CACNA1B: variants seen among roughly 807,000 people sequenced by gnomAD.
CACNA1B encodes the protein calcium voltage-gated channel subunit alpha1 B.
A neutral mutation model predicts 247.2 loss-of-function variants in CACNA1B; 70 were observed. The observed-to-expected ratio is 0.28, with a 90% confidence interval of 0.23 to 0.35. The LOEUF (loss-of-function observed/expected upper bound fraction) is 0.35, where lower values mean the gene tolerates loss of function less well. CACNA1B is among the 10% of genes least tolerant of loss of function. CACNA1B has a pLI of 1.00. For synonymous variants in CACNA1B, 1,231 were observed against 1,294.4 expected (o/e 0.95, Z 1.05); for missense variants, 2,367 against 3,197.4 (o/e 0.74, Z 6.26).
intron 10 of CACNA1B, among the ~76,000 whole-genome samples, chr9:137,970,355 C>A (rs1307009751): frequency 2.6e-5 from 4 of 152,176 alleles, no homozygotes; most frequent in Non-Finnish European, 4.4e-5. Context: ...GATGTGCTCT[C>A]CTGCAGAGAC....
chr9:138,120,532 C>T (rs1340953276), intron 45 of CACNA1B, 99 bp from the exon 46 acceptor site: 16 of 1,403,642 alleles, frequency 1.1e-5, no homozygotes, highest in Non-Finnish European at 1.5e-5. Context: ...CTCACCCTAG[C>T]CTCCCCTGGC....
intron 15 of CACNA1B, among the ~76,000 whole-genome samples, chr9:137,997,828 A>G (rs1023941962): frequency 2.4e-4 from 36 of 152,238 alleles, no homozygotes; most frequent in Admixed American, 2.3e-3. Context: ...ACAAGGAAAC[A>G]TGTAAAGCCA....
intron 46 of CACNA1B, 37 bp downstream of exon 46, chr9:138,120,918 C>T: frequency 6.5e-7 from 1 of 1,535,710 alleles, no homozygotes; most frequent in Non-Finnish European, 8.7e-7. Context: ...GGCCCAGCTG[C>T]CTCTCCTCGG....
At chr9:137,923,554 T>C (rs1957515929) in intron 6 of CACNA1B, among the ~76,000 whole-genome samples, 1 of 152,256 alleles carries the variant, frequency 6.6e-6, no homozygotes, top group African/African-American at 2.4e-5. Flanking sequence ...GGCTGTACCA[T>C]GGCTTGTTTA....
intron 3 of CACNA1B, among the ~76,000 whole-genome samples, chr9:137,903,139 T>G (rs1294924530): frequency 6.6e-6 from 1 of 152,154 alleles, no homozygotes; most frequent in Non-Finnish European, 1.5e-5. Flanking sequence ...ATTCCAGCAC[T>G]TTGGGAGGCT....
At chr9:137,886,772 G>A (rs562907852) in intron 3 of CACNA1B, among the ~76,000 whole-genome samples, 8 of 152,120 alleles carry the variant, frequency 5.3e-5, no homozygotes, top group Non-Finnish European at 8.8e-5. Context: ...GAGAGCAGTC[G>A]GCAGGTGGAC....
Position 138,115,548 on chromosome 9 carries a change from G to A in CACNA1B, c.5650-4G>A. On this transcript the variant is annotated splice_region_variant and splice_polypyrimidine_tract_variant and intron_variant, in intron 41 of 46. Coordinates refer to ENST00000371372, the MANE Select transcript of CACNA1B (RefSeq NM_000718.4). ...TCTTTCCCTTCCCTTTGCCTCCTTT[G>A]CAGATGGGTCCTGTGTCCCTGTTCC... 6.2e-7 allele frequency: 1 copy of A among 1,611,846 alleles called. No individual in the cohort carries two copies. Among genetic ancestry groups the A allele is most frequent in the Non-Finnish European group, 8.5e-7 (1 of 1,179,018 alleles).
In CACNA1B at chr9:138,072,721, G is replaced by A. The variant is rs1289120650; in HGVS notation, c.4675-767G>A. 6.6e-6 allele frequency among the ~76,000 whole-genome samples: 1 copy of A among 152,216 alleles called. No homozygotes were observed. The highest frequency in any genetic ancestry group is 1.5e-5 in the Non-Finnish European group (1 of 68,050). Reference sequence around the variant, plus strand: ...AGTACAGTAATTCAAGTGCCCTGGGGCCACGTGGAGGCTTTACTGCCAGGT... The same window carrying A: ...AGTACAGTAATTCAAGTGCCCTGGGACCACGTGGAGGCTTTACTGCCAGGT... On this transcript the variant is annotated intron_variant, in intron 32 of 46. Transcript: ENST00000371372. This position sits in a 1 kb window ranked among gnomAD's most constrained non-coding sequence, Gnocchi z 4.5.
rs556070606 is a variant in CACNA1B at position 137,898,782 on chromosome 9, C to T, written c.531-14398C>T. Reference sequence around the variant, plus strand: ...CTACAAGCTCCACCTCCTGGGTTCACGCCATTCTCCTGCCTCAGTCTCCCA... The same window carrying T: ...CTACAAGCTCCACCTCCTGGGTTCATGCCATTCTCCTGCCTCAGTCTCCCA... On this transcript the variant is annotated intron_variant, in intron 3 of 46. Transcript: ENST00000371372. Among the ~76,000 whole-genome samples, 18 of 151,462 alleles carry T rather than the reference C, an allele frequency of 1.2e-4. No homozygotes were observed. The East Asian group carries it at 1.6e-3, about 13-fold the overall frequency.
At chr9:137,930,618 T>G (rs1008340573) in intron 6 of CACNA1B, among the ~76,000 whole-genome samples, 1 of 152,236 alleles carries the variant, frequency 6.6e-6, no homozygotes, top group Admixed American at 6.5e-5. Context: ...GTTGATGGTG[T>G]TGTTGAGCTC....
Position 137,934,933 on chromosome 9 carries a change from G to A in CACNA1B, c.967-17341G>A, listed in dbSNP as rs138845348. ...ACAAAACAAGGTTCCTTAACACCCC[G>A]AAGAAATCACACTAGCTCACTAGCA... On this transcript the variant is annotated intron_variant, in intron 6 of 46. Coordinates refer to ENST00000371372, the MANE Select transcript of CACNA1B (RefSeq NM_000718.4). 5.7e-3 allele frequency among the ~76,000 whole-genome samples: 874 copies of A among 152,184 alleles called. 13 individuals carry two copies. Among genetic ancestry groups the A allele is most frequent in the Non-Finnish European group, 5.0e-3 (338 of 68,010 alleles).
rs1589103499 is a variant in CACNA1B, at chr9:138,059,666, G to A, written c.4597G>A (p.Asp1533Asn). The A allele has an allele frequency of 6.2e-7, 1 of 1,602,010 alleles. No individual in the cohort carries two copies. Among genetic ancestry groups the A allele is most frequent in the East Asian group, 2.2e-5 (1 of 44,848 alleles). ...IAFGVLNYFR[D>N]AWNVFDFVTV... Reference sequence around the variant, plus strand: ...TCTTTTTCTCTAGAACTATTTCAGAGATGCCTGGAATGTCTTTGACTTTGT... The same window carrying A: ...TCTTTTTCTCTAGAACTATTTCAGAAATGCCTGGAATGTCTTTGACTTTGT... Residue 1533 changes from aspartate (D) to asparagine (N), a missense_variant, in exon 31 of 47, where the codon GAT becomes AAT. Physicochemically the swap from Asp to Asn is conservative, Grantham distance 23. Around this residue, in one of 12 missense-constraint regions of CACNA1B, gnomAD observed 436 missense variants for 679.5 expected, o/e 0.64. Transcript: ENST00000371372. The surrounding 1 kb of genome is among the most constrained non-coding windows in gnomAD (Gnocchi z 4.2).
Position 138,052,241 on chromosome 9 carries a change from T to TGTGTGTGC in CACNA1B, c.3807+61_3807+68dup, listed in dbSNP as rs1468318695. ...GATGTGCTGTGTGTGTGTGCGTGTGTGTGTGTGCGTGTGTGTGTGTGTATG... is the reference window on the plus strand; with the variant it reads ...GATGTGCTGTGTGTGTGTGCGTGTGTGTGTGTGCGTGTGTGCGTGTGTGTGTGTGTATG... On this transcript the variant is annotated intron_variant, in intron 25 of 46. Coordinates refer to ENST00000371372, the MANE Select transcript of CACNA1B (RefSeq NM_000718.4). The surrounding 1 kb of genome is among the most constrained non-coding windows in gnomAD (Gnocchi z 5.1). 2.8e-5 allele frequency: 24 copies of TGTGTGTGC among 843,370 alleles called. No individual in the cohort carries two copies. Among genetic ancestry groups the TGTGTGTGC allele is most frequent in the African/African-American group, 1.4e-4 (6 of 43,910 alleles). 52.2% of individuals were successfully genotyped at this position (843,370 alleles called of 1,614,324 possible). A position where few individuals can be genotyped will look rare whatever the true frequency, so the allele number is the denominator to read the frequency against.
chr9:138,121,958 C>T lies in CACNA1B; in HGVS notation c.6979C>T (p.Arg2327Trp), dbSNP rs765789569. 6.9e-6 allele frequency: 11 copies of T among 1,603,092 alleles called. No individual in the cohort carries two copies. Among genetic ancestry groups the T allele is most frequent in the African/African-American group, 2.7e-5 (2 of 74,916 alleles). ...GGGACTCAGCTCGGGTGGCCGAGCA[C>T]GGCACAGCTACCACCACCCTGACCA... ...TLGLSSGGRA[R>W]HSYHHPDQDH... Residue 2327 changes from arginine (R) to tryptophan (W), a missense_variant, in exon 47 of 47, where the codon CGG (arginine) becomes TGG (tryptophan). Physicochemically the swap from Arg to Trp is moderately radical, Grantham distance 101 (BLOSUM62 -3). This residue lies in a region of CACNA1B where 773 missense variants were observed against 779.4 expected (regional missense o/e 0.99). Transcript: ENST00000371372. This position sits in a 1 kb window ranked among gnomAD's most constrained non-coding sequence, Gnocchi z 6.8.
At chr9:138,029,740 G>T (rs1423279503) in intron 20 of CACNA1B, among the ~76,000 whole-genome samples, 3 of 151,302 alleles carry the variant, frequency 2.0e-5, no homozygotes, top group African/African-American at 7.3e-5. Flanking sequence ...TGATTCCTGA[G>T]TAGCTGGGAT....
intron 15 of CACNA1B, among the ~76,000 whole-genome samples, chr9:137,987,794 T>A (rs1306946341): frequency 2.0e-5 from 3 of 152,176 alleles, no homozygotes; most frequent in African/African-American, 7.2e-5. Context: ...ACCACAGTCC[T>A]CCATGACTGT....
chr9:138,006,491 T>G (rs1273351680), intron 15 of CACNA1B, among the ~76,000 whole-genome samples: 1 of 152,194 alleles, frequency 6.6e-6, no homozygotes, highest in African/African-American at 2.4e-5. Context: ...CTCCTTCTCC[T>G]GTTGGGAGCT....
At chr9:138,069,456 C>T (rs1402722882) in intron 31 of CACNA1B, among the ~76,000 whole-genome samples, 1 of 152,192 alleles carries the variant, frequency 6.6e-6, no homozygotes, top group Admixed American at 6.5e-5. Flanking sequence ...GCATAACCTA[C>T]AGACTTCAAA....
rs899660181 is a variant in CACNA1B, at chr9:138,014,472, C to T, written c.2267+1237C>T. The stretch of plus-strand genomic sequence containing the variant: ...CAGGGGAACTTGGCAGCTGTGGACA[C>T]GGTGGCCATCACGCAGAAGACTGCT... On this transcript the variant is annotated intron_variant, in intron 18 of 46. Transcript: ENST00000371372. The surrounding 1 kb of genome is among the most constrained non-coding windows in gnomAD (Gnocchi z 6.2). Among the ~76,000 whole-genome samples the T allele has an allele frequency of 6.6e-6, 1 of 152,118 alleles. No individual in the cohort carries two copies. The highest frequency in any genetic ancestry group is 2.4e-5 in the African/African-American group (1 of 41,406).
Sources: allele counts gnomAD v4.1 joint callset (sites outside exome capture counted in the v4.1 genomes callset), GRCh38; gene constraint gnomAD v4.1.1; regional missense constraint gnomAD v4.1.1; non-coding constraint Gnocchi (gnomAD v3.1); transcripts MANE v1.5; gene names NCBI Gene and HGNC (gene_info 2026-07-23, HGNC 2026-07-21).